Variants in SAA1 observed in about 807,000 individuals in gnomAD.
The protein encoded by SAA1 is serum amyloid A-1 protein.
In SAA1, 4 loss-of-function variants were observed where a neutral mutation model predicts 9.8. The ratio of observed to expected loss-of-function variants is 0.41; its 90% CI spans 0.20 to 0.93. The LOEUF is 0.93. Ranked by LOEUF, SAA1 falls within the 40% of genes least tolerant of loss-of-function variation. The pLI, the probability that SAA1 is intolerant of heterozygous loss-of-function variation, is 0.33. For synonymous variants in SAA1, 47 were observed against 57.7 expected (o/e 0.82, Z 0.84); for missense variants, 114 against 155.5 (o/e 0.73, Z 1.42).
intron 2 of SAA1, among the ~76,000 whole-genome samples, chr11:18,268,326 C>A (rs893032665): frequency 1.3e-5 from 2 of 151,490 alleles, no homozygotes; most frequent in Non-Finnish European, 2.9e-5. Context: ...GACTAGAGAT[C>A]GCACCAGTGT....
intron 2 of SAA1, among the ~76,000 whole-genome samples, chr11:18,267,938 C>T (rs1223157901): frequency 6.6e-6 from 1 of 151,318 alleles, no homozygotes; most frequent in Non-Finnish European, 1.5e-5. Flanking sequence ...GCATCACTGA[C>T]CACCTCCTAG....
chr11:18,269,499 G>A (rs960304804), intron 3 of SAA1, among the ~76,000 whole-genome samples, 166 bp downstream of exon 3: 1 of 152,138 alleles, frequency 6.6e-6, no homozygotes, highest in Non-Finnish European at 1.5e-5. Context: ...TGGATGGTAG[G>A]AGTGAGTGAT....
intron 2 of SAA1, among the ~76,000 whole-genome samples, chr11:18,267,540 G>T (rs1487828028): frequency 6.4e-5 from 8 of 125,122 alleles, no homozygotes; most frequent in African/African-American, 2.4e-4. Context: ...TATGACTAAG[G>T]CTGTTGACTC....
Position 18,269,884 on chromosome 11 carries a change from T to A in SAA1, c.*29T>A. 6.2e-7 allele frequency: 1 copy of A among 1,612,596 alleles called. No individual in the cohort carries two copies. The highest frequency in any genetic ancestry group is 8.5e-7 in the Non-Finnish European group (1 of 1,179,260). ...TCCTCTTCACTCTGCTCTCAGGAGA[T>A]CTGGCTGTGAGGCCCTCAGGGCAGG... On this transcript the variant is annotated 3_prime_UTR_variant, in exon 4 of 4. Coordinates refer to ENST00000356524, the MANE Select transcript of SAA1 (RefSeq NM_199161.5).
At chr11:18,268,828 G>A (rs1322171359) in intron 2 of SAA1, among the ~76,000 whole-genome samples, 2 of 57,330 alleles carry the variant, frequency 3.5e-5, no homozygotes, top group African/African-American at 1.7e-4. Context: ...GCAAGACTCT[G>A]TCTAAAAAAA....
chr11:18,269,808 A>G lies in SAA1; in HGVS notation c.322A>G (p.Lys108Glu). The change falls in exon 4 of 4, where the codon AAA becomes GAA. Residue 108 changes from lysine (K) to glutamate (E), a missense_variant. Around this residue, in one of 2 missense-constraint regions of SAA1, gnomAD observed 68 missense variants for 54.7 expected, o/e 1.24. Coordinates refer to ENST00000356524, the MANE Select transcript of SAA1 (RefSeq NM_199161.5). Reference sequence around the variant, plus strand: ...TGCCAATGAATGGGGCAGGAGTGGCAAAGACCCCAATCACTTCCGACCTGC... The same window carrying G: ...TGCCAATGAATGGGGCAGGAGTGGCGAAGACCCCAATCACTTCCGACCTGC... ...QAANEWGRSG[K>E]DPNHFRPAGL... The G allele has an allele frequency of 1.2e-6, 2 of 1,608,650 alleles. No individual in the cohort carries two copies. The highest frequency in any genetic ancestry group is 1.7e-6 in the Non-Finnish European group (2 of 1,179,760).
In SAA1 at chr11:18,269,927, G is replaced by A. The variant is rs934797003; in HGVS notation, c.*72G>A. The A allele has an allele frequency of 1.6e-5, 26 of 1,595,554 alleles. No homozygotes were observed. In the Middle Eastern group the frequency reaches 6.4e-4, roughly 39 times the overall value. On this transcript the variant is annotated 3_prime_UTR_variant, in exon 4 of 4. Transcript: ENST00000356524. ...AGGGCAGGGATACAAAGCGGGGAGA[G>A]GGTACACAATGGGTATCTAATAAAT...
intron 2 of SAA1, among the ~76,000 whole-genome samples, chr11:18,268,573 C>T (rs190093755): frequency 2.7e-3 from 408 of 152,314 alleles, no homozygotes; most frequent in African/African-American, 9.3e-3. Flanking sequence ...GTGGCTCACG[C>T]CTGTAATCCC....
chr11:18,269,487 A>G lies in SAA1; in HGVS notation c.230+154A>G, dbSNP rs1031641430. 9.9e-5 allele frequency among the ~76,000 whole-genome samples: 15 copies of G among 152,152 alleles called. 1 individual carries two copies. In the South Asian group the frequency reaches 1.7e-3, roughly 17 times the overall value. ...GCCTCTGTGCTCAGTGTGAGGTCTG[A>G]GTGGATGGTAGGAGTGAGTGATTCC... On this transcript the variant is annotated intron_variant, in intron 3 of 3. Transcript: ENST00000356524.
At position 18,269,787 on chromosome 11, in the gene SAA1, A is replaced by C; in HGVS notation, c.301A>C (p.Asn101His). The change falls in exon 4 of 4, where the codon AAT (asparagine) becomes CAT (histidine). Residue 101 changes from asparagine (N) to histidine (H), a missense_variant. This residue lies in a region of SAA1 where 68 missense variants were observed against 54.7 expected (regional missense o/e 1.24). Coordinates refer to ENST00000356524, the MANE Select transcript of SAA1 (RefSeq NM_199161.5). ...GGACTCGCTGGCTGATCAGGCTGCC[A>C]ATGAATGGGGCAGGAGTGGCAAAGA... is the stretch of plus-strand genomic sequence containing the variant. ...AEDSLADQAA[N>H]EWGRSGKDPN... 6.2e-7 allele frequency: 1 copy of C among 1,614,122 alleles called. No homozygotes were observed. Among genetic ancestry groups the C allele is most frequent in the Non-Finnish European group, 8.5e-7 (1 of 1,179,974 alleles).
At chr11:18,266,553 G>C (rs1564910888) in intron 1 of SAA1, 1 of 260,504 alleles carries the variant, frequency 3.8e-6, no homozygotes, top group Non-Finnish European at 7.5e-6. Context: ...TTTATCCCAT[G>C]TTGAGTTCTG....
In SAA1 at chr11:18,269,332, A is replaced by G. The variant is rs776803166; in HGVS notation, c.229A>G (p.Thr77Ala). 93 of 1,478,084 alleles carry G rather than the reference A, an allele frequency of 6.3e-5. 1 individual carries two copies. Among genetic ancestry groups the G allele is most frequent in the Non-Finnish European group, 8.2e-5 (91 of 1,112,738 alleles). 91.6% of individuals were successfully genotyped at this position (1,478,084 alleles called of 1,614,324 possible). A position where few individuals can be genotyped will look rare whatever the true frequency, so the allele number is the denominator to read the frequency against. Residue 77 changes from threonine to alanine, a missense_variant and splice_region_variant, in exon 3 of 4, where the codon ACC (threonine) becomes GCC (alanine). Coordinates refer to ENST00000356524, the MANE Select transcript of SAA1 (RefSeq NM_199161.5). ...GGGTGCCTGGGCTGCAGAAGTGATC[A>G]CGTAACTGGAGCTCCTGGGACGTTA... Reference protein sequence around the residue: ...PGGAWAAEVITDARENIQRFF... With the variant: ...PGGAWAAEVIADARENIQRFF...
Position 18,269,206 on chromosome 11 carries a change from A to G in SAA1, c.103A>G (p.Met35Val). 1 of 1,588,466 alleles carries G rather than the reference A, an allele frequency of 6.3e-7. No homozygotes were observed. The highest frequency in any genetic ancestry group is 2.2e-5 in the East Asian group (1 of 44,812). The change falls in exon 3 of 4, where the codon ATG (methionine) becomes GTG (valine). Residue 35 changes from methionine (M) to valine (V), a missense_variant. By Grantham distance (21) the Met-to-Val change is conservative. Transcript: ENST00000356524. ...CCTTTCCTTTCCAGGGGCTCGGGAC[A>G]TGTGGAGAGCCTACTCTGACATGAG... ...LGEAFDGARD[M>V]WRAYSDMREA... is the part of the protein sequence containing the mutation.
Position 18,269,777 on chromosome 11 carries a change from T to C in SAA1, c.291T>C (p.Asp97=). ...ATGGTGCGGAGGACTCGCTGGCTGA[T>C]CAGGCTGCCAATGAATGGGGCAGGA... ...FGHGAEDSLA[D]QAANEWGRSG... The change falls in exon 4 of 4, where the codon GAT becomes GAC. Residue 97 remains aspartate (D), a synonymous_variant. Transcript: ENST00000356524. 6.2e-7 allele frequency: 1 copy of C among 1,614,100 alleles called. No individual in the cohort carries two copies. Among genetic ancestry groups the C allele is most frequent in the Non-Finnish European group, 8.5e-7 (1 of 1,179,964 alleles).
chr11:18,267,927 C>T lies in SAA1; in HGVS notation c.91+949C>T, dbSNP rs146216523. Among the ~76,000 whole-genome samples, 210 of 150,982 alleles carry T rather than the reference C, an allele frequency of 1.4e-3. 1 individual carries two copies. The highest frequency in any genetic ancestry group is 5.0e-3 in the African/African-American group (205 of 41,014). ...GAGGTCAGGGCTCTTGCCAGGTAGA[C>T]GCATCACTGACCACCTCCTAGAGGT... On this transcript the variant is annotated intron_variant, in intron 2 of 3. Transcript: ENST00000356524.
chr11:18,269,790 G>A lies in SAA1; in HGVS notation c.304G>A (p.Glu102Lys), dbSNP rs1059567. ...CTCGCTGGCTGATCAGGCTGCCAAT[G>A]AATGGGGCAGGAGTGGCAAAGACCC... The part of the protein sequence containing the change: ...EDSLADQAAN[E>K]WGRSGKDPNH... Residue 102 changes from glutamate (E) to lysine (K), a missense_variant, in exon 4 of 4, where the codon GAA (glutamate) becomes AAA (lysine). By Grantham distance (56) the Glu-to-Lys change is moderately conservative. Coordinates refer to ENST00000356524, the MANE Select transcript of SAA1 (RefSeq NM_199161.5). 11 of 1,613,986 alleles carry A rather than the reference G, an allele frequency of 6.8e-6. No individual in the cohort carries two copies. Among genetic ancestry groups the A allele is most frequent in the South Asian group, 1.1e-5 (1 of 91,080 alleles).
At position 18,269,468 on chromosome 11, in the gene SAA1, G is replaced by C. The variant is rs1410015894; in HGVS notation, c.230+135G>C. 14 of 1,486,812 alleles carry C rather than the reference G, an allele frequency of 9.4e-6. No homozygotes were observed. In the African/African-American group the frequency reaches 2.0e-4, roughly 21 times the overall value. 92.1% of individuals were successfully genotyped at this position (1,486,812 alleles called of 1,614,324 possible). The stretch of plus-strand genomic sequence containing the variant: ...CTCCTCTTGCCCTCTCTCTGCCTCT[G>C]TGCTCAGTGTGAGGTCTGAGTGGAT... On this transcript the variant is annotated intron_variant, in intron 3 of 3. Coordinates refer to ENST00000356524, the MANE Select transcript of SAA1 (RefSeq NM_199161.5).
intron 2 of SAA1, among the ~76,000 whole-genome samples, chr11:18,268,288 C>T (rs1313380367): frequency 2.6e-5 from 4 of 152,018 alleles, no homozygotes; most frequent in Non-Finnish European, 2.9e-5. Context: ...ACGAGAATCA[C>T]TTGAACCCGA....
At position 18,269,933 on chromosome 11, in the gene SAA1, A is replaced by G. The variant is rs569920581; in HGVS notation, c.*78A>G. ...GGGATACAAAGCGGGGAGAGGGTACACAATGGGTATCTAATAAATACTTAA... is the reference window on the plus strand; with the variant it reads ...GGGATACAAAGCGGGGAGAGGGTACGCAATGGGTATCTAATAAATACTTAA... On this transcript the variant is annotated 3_prime_UTR_variant, in exon 4 of 4. Coordinates refer to ENST00000356524, the MANE Select transcript of SAA1 (RefSeq NM_199161.5). The G allele has an allele frequency of 6.3e-7, 1 of 1,586,150 alleles. No individual in the cohort carries two copies. The highest frequency in any genetic ancestry group is 1.3e-5 in the African/African-American group (1 of 74,318).
Sources: gnomAD v4.1 joint callset for allele counts (sites outside exome capture counted in the v4.1 genomes callset) on GRCh38, gnomAD v4.1.1 for gene constraint, gnomAD v4.1.1 regional missense constraint, MANE v1.5 for transcripts, NCBI Gene and HGNC (gene_info 2026-07-23, HGNC 2026-07-21) for gene names.